ARHGEF12: variants seen among roughly 807,000 people sequenced by gnomAD.
The protein encoded by ARHGEF12 is Rho guanine nucleotide exchange factor 12.
A neutral mutation model predicts 211.2 loss-of-function variants in ARHGEF12; 66 were observed. The ratio of observed to expected loss-of-function variants is 0.31; its 90% CI spans 0.26 to 0.38. The LOEUF (loss-of-function observed/expected upper bound fraction) is 0.38. ARHGEF12 is among the 10% of genes least tolerant of loss of function. ARHGEF12 has a pLI of 1.00. For missense variants in ARHGEF12, 1,429 were observed against 1,869.5 expected, an observed-to-expected ratio of 0.76 and a Z score of 4.34; for synonymous variants, 592 against 638.4, an observed-to-expected ratio of 0.93 and a Z score of 1.09.
At chr11:120,399,438 T>TTCTGA (rs1944496474) in intron 1 of ARHGEF12, among the ~76,000 whole-genome samples, 1 of 151,840 alleles carries the variant, frequency 6.6e-6, no homozygotes, top group Non-Finnish European at 1.5e-5. Flanking sequence ...GTTTATACTT[T>TTCTGA]TCTGATTTTC....
chr11:120,368,470 C>T lies in ARHGEF12; in HGVS notation c.32+31195C>T, dbSNP rs571858244. Among the ~76,000 whole-genome samples the T allele has an allele frequency of 1.2e-4, 19 of 152,216 alleles. No individual in the cohort carries two copies. In the South Asian group the frequency reaches 2.9e-3, roughly 23 times the overall value. On this transcript the variant is annotated intron_variant, in intron 1 of 40. Coordinates refer to ENST00000397843, the MANE Select transcript of ARHGEF12 (RefSeq NM_015313.3). ...AGTAGCCTTTTTATTTAAAGGGAATCGGCATTTGTTTATTACCTGGTATGT... is the reference window on the plus strand; with the variant it reads ...AGTAGCCTTTTTATTTAAAGGGAATTGGCATTTGTTTATTACCTGGTATGT...
At chr11:120,350,107 T>C (rs553504126) in intron 1 of ARHGEF12, among the ~76,000 whole-genome samples, 5 of 152,312 alleles carry the variant, frequency 3.3e-5, no homozygotes, top group African/African-American at 9.6e-5. Flanking sequence ...GCCTGTTCTG[T>C]GTAGGTCATT....
At chr11:120,430,407 C>T (rs1183128921) in intron 10 of ARHGEF12, among the ~76,000 whole-genome samples, 1 of 152,042 alleles carries the variant, frequency 6.6e-6, no homozygotes, top group Non-Finnish European at 1.5e-5. Flanking sequence ...GATTTAAAAG[C>T]ACATTCATAC....
intron 11 of ARHGEF12, among the ~76,000 whole-genome samples, chr11:120,435,054 T>C (rs1371049850): frequency 6.6e-6 from 1 of 152,208 alleles, no homozygotes; most frequent in South Asian, 2.1e-4. Context: ...ATTTTCTCAA[T>C]ACACAATTTT....
At chr11:120,473,263 T>A (rs1410325252) in intron 31 of ARHGEF12, 136 bp downstream of exon 31, 2 of 760,500 alleles carry the variant, frequency 2.6e-6, no homozygotes, top group Non-Finnish European at 4.1e-6. Flanking sequence ...TTTATGATTT[T>A]TTTTGCTGCC....
chr11:120,487,025 T>C lies in ARHGEF12; in HGVS notation c.*1948T>C. The C allele has an allele frequency of 4.6e-6, 1 of 216,408 alleles. No individual in the cohort carries two copies. Among genetic ancestry groups the C allele is most frequent in the Admixed American group, 5.8e-5 (1 of 17,264 alleles). 13.4% of individuals were successfully genotyped at this position (216,408 alleles called of 1,614,324 possible). The stretch of plus-strand genomic sequence containing the variant: ...AACAAGTAAAAACCAAATGGTTACA[T>C]TGTGCTGCTAGAAATAATGTCATTC... On this transcript the variant is annotated 3_prime_UTR_variant, in exon 41 of 41. Transcript: ENST00000397843.
intron 1 of ARHGEF12, among the ~76,000 whole-genome samples, chr11:120,357,859 C>T (rs1943171109): frequency 6.6e-6 from 1 of 151,976 alleles, no homozygotes; most frequent in Admixed American, 6.6e-5. Context: ...CGTAAGCCAC[C>T]GTGCCACCAA....
At chr11:120,475,836 A>T (rs1054835533) in intron 33 of ARHGEF12, 1 of 190,216 alleles carries the variant, frequency 5.3e-6, no homozygotes, top group African/African-American at 2.3e-5. Context: ...AAAAATCAAA[A>T]ACCAAAGAGA....
rs752995452 is a variant in ARHGEF12 at position 120,428,091 on chromosome 11, T to C, written c.429T>C (p.Thr143=). The C allele has an allele frequency of 1.4e-5, 22 of 1,601,064 alleles. No homozygotes were observed. The highest frequency in any genetic ancestry group is 1.9e-5 in the Non-Finnish European group (22 of 1,174,434). The change falls in exon 8 of 41, where the codon ACT becomes ACC. Residue 143 remains threonine (T), a synonymous_variant. Coordinates refer to ENST00000397843, the MANE Select transcript of ARHGEF12 (RefSeq NM_015313.3). ...AAGCTGGTTCCTATGTAGCTCTCAC[T>C]GTTCAGGGACGCCCACCTGGGTCGC... ...LIKSGSYVAL[T]VQGRPPGSPQ...
rs768357802 is a variant in ARHGEF12, at chr11:120,487,770, A to G, written c.*2693A>G. ...CTGTGGGCTTAATGGTTCCTTTGCT[A>G]TGAAGTGGCAAATTACATGTAGAGT... On this transcript the variant is annotated 3_prime_UTR_variant, in exon 41 of 41. Coordinates refer to ENST00000397843, the MANE Select transcript of ARHGEF12 (RefSeq NM_015313.3). The G allele has an allele frequency of 4.5e-6, 1 of 221,360 alleles. No individual in the cohort carries two copies. Among genetic ancestry groups the G allele is most frequent in the East Asian group, 6.6e-5 (1 of 15,150 alleles). 13.7% of individuals were successfully genotyped at this position (221,360 alleles called of 1,614,324 possible). A position where few individuals can be genotyped will look rare whatever the true frequency, so the allele number is the denominator to read the frequency against.
At chr11:120,423,031 CTTAAAT>C (rs1253824937) in intron 6 of ARHGEF12, among the ~76,000 whole-genome samples, 1 of 151,888 alleles carries the variant, frequency 6.6e-6, no homozygotes, top group Non-Finnish European at 1.5e-5. Flanking sequence ...ACCAGATATC[CTTAAAT>C]TTAAAGAACA....
intron 21 of ARHGEF12, 180 bp from the exon 22 acceptor site, chr11:120,451,318 ACAGGCATGTGCCAC>A: frequency 2.0e-6 from 1 of 495,590 alleles, no homozygotes; most frequent in East Asian, 3.7e-5. Flanking sequence ...AGCTGGGATT[ACAGGCATGTGCCAC>A]CACGCCCAGC....
intron 1 of ARHGEF12, among the ~76,000 whole-genome samples, chr11:120,402,726 C>G (rs1944578503): frequency 6.6e-6 from 1 of 152,134 alleles, no homozygotes; most frequent in Admixed American, 6.5e-5. Context: ...AGCATTTCTT[C>G]TCATATGGCT....
intron 6 of ARHGEF12, 33 bp downstream of exon 6, chr11:120,421,885 G>C: frequency 6.4e-7 from 1 of 1,555,862 alleles, no homozygotes; most frequent in Non-Finnish European, 8.8e-7. Flanking sequence ...ATTTACGGTA[G>C]GATTAAAAAA....
intron 22 of ARHGEF12, among the ~76,000 whole-genome samples, chr11:120,453,572 G>C (rs1946274420): frequency 6.6e-6 from 1 of 152,150 alleles, no homozygotes; most frequent in East Asian, 1.9e-4. Flanking sequence ...GAAGAAGTCA[G>C]CCAGTCATAT....
At chr11:120,349,860 C>G (rs1279381811) in intron 1 of ARHGEF12, among the ~76,000 whole-genome samples, 1 of 152,106 alleles carries the variant, frequency 6.6e-6, no homozygotes, top group Non-Finnish European at 1.5e-5. Context: ...GTTTTTTTCC[C>G]TTGCTGTGAT....
intron 23 of ARHGEF12, chr11:120,457,462 C>A (rs963234784): frequency 2.2e-6 from 1 of 463,356 alleles, no homozygotes; most frequent in Non-Finnish European, 3.6e-6. Flanking sequence ...GCCCCCACTT[C>A]AAACTGTAAA....
intron 17 of ARHGEF12, 116 bp from the exon 18 acceptor site, chr11:120,446,832 A>C: frequency 7.6e-7 from 1 of 1,318,578 alleles, no homozygotes. Context: ...CATAAGTGGA[A>C]AAGTGACATT....
chr11:120,435,607 C>G (rs1017872426), intron 11 of ARHGEF12, among the ~76,000 whole-genome samples: 3 of 151,328 alleles, frequency 2.0e-5, no homozygotes, highest in Non-Finnish European at 4.4e-5. Context: ...CTCCGCCTCC[C>G]GGGTTCGTGC....
Sources: allele counts gnomAD v4.1 joint callset (sites outside exome capture counted in the v4.1 genomes callset), GRCh38; gene constraint gnomAD v4.1.1; transcripts MANE v1.5; gene names NCBI Gene and HGNC (gene_info 2026-07-23, HGNC 2026-07-21).